PAMR1: variants seen among roughly 807,000 people sequenced by gnomAD.
The protein encoded by PAMR1 is peptidase domain containing associated with muscle regeneration 1.
Under a neutral mutation model 81.8 loss-of-function variants are expected in PAMR1, and 88 were observed. The observed-to-expected ratio is 1.08, with a 90% CI of 0.91 to 1.28. PAMR1 has a LOEUF of 1.28. PAMR1 is among the 50% of genes most tolerant of loss of function. PAMR1 has a pLI of 0.00. For synonymous variants in PAMR1, 336 were observed against 345.3 expected (o/e 0.97, Z 0.30); for missense variants, 935 against 919.7 (o/e 1.02, Z -0.21).
At chr11:35,435,278 C>T (rs1311398732) in intron 9 of PAMR1, among the ~76,000 whole-genome samples, 1 of 152,242 alleles carries the variant, frequency 6.6e-6, no homozygotes, top group East Asian at 1.9e-4. Flanking sequence ...TTAGTAAATG[C>T]AGGCCCCTAA....
intron 6 of PAMR1, among the ~76,000 whole-genome samples, chr11:35,459,815 A>G (rs1425327029): frequency 1.3e-5 from 2 of 152,234 alleles, no homozygotes; most frequent in African/African-American, 4.8e-5. Context: ...GAATTGTTCC[A>G]TAGCTTTGTC....
At chr11:35,454,077 A>G (rs2135358582) in intron 6 of PAMR1, among the ~76,000 whole-genome samples, 1 of 152,280 alleles carries the variant, frequency 6.6e-6, no homozygotes, top group East Asian at 1.9e-4. Flanking sequence ...GGTGGTTCTC[A>G]TGTAAACTGT....
Position 35,438,027 on chromosome 11 carries a change from G to A in PAMR1, c.1100+1600C>T, listed in dbSNP as rs144377408. On this transcript the variant is annotated intron_variant, in intron 8 of 10. Transcript: ENST00000619888. ...TTAGCTGTAGTCAATTTCAGTCACC[G>A]GAATTCACTGTTACTATTTCTAACA... Among the ~76,000 whole-genome samples, 579 of 152,298 alleles carry A rather than the reference G, an allele frequency of 3.8e-3. 5 individuals are homozygous for A. The highest frequency in any genetic ancestry group is 0.013 in the African/African-American group (524 of 41,562).
chr11:35,508,675 C>T (rs1265697727), intron 1 of PAMR1, among the ~76,000 whole-genome samples: 1 of 151,984 alleles, frequency 6.6e-6, no homozygotes, highest in African/African-American at 2.4e-5. Context: ...TCTTTTTATG[C>T]TCATTCTCCT....
At chr11:35,440,815 T>C (rs1417209727) in intron 7 of PAMR1, among the ~76,000 whole-genome samples, 1 of 152,228 alleles carries the variant, frequency 6.6e-6, no homozygotes, top group Non-Finnish European at 1.5e-5. Flanking sequence ...ACACCTCTTT[T>C]CTTTTCTGCT....
intron 1 of PAMR1, among the ~76,000 whole-genome samples, chr11:35,501,890 A>C (rs1174136948): frequency 6.6e-6 from 1 of 152,204 alleles, no homozygotes; most frequent in African/African-American, 2.4e-5. Context: ...TGCTGCAATA[A>C]ACATAAGAGT....
At chr11:35,525,845 G>A (rs564620496), upstream of PAMR1, 168 of 547,212 alleles carry the variant, frequency 3.1e-4, 2 homozygotes, top group South Asian at 3.6e-3. Flanking sequence ...ACCCGCGGAC[G>A]GCGGCTGCAA....
chr11:35,523,252 C>T (rs979723793), intron 1 of PAMR1, among the ~76,000 whole-genome samples: 31 of 152,202 alleles, frequency 2.0e-4, no homozygotes, highest in African/African-American at 7.5e-4. Flanking sequence ...TTTTCCTGCC[C>T]ACTGAATATC....
At chr11:35,456,716 GCATGT>G (rs1856540416) in intron 6 of PAMR1, among the ~76,000 whole-genome samples, 1 of 152,122 alleles carries the variant, frequency 6.6e-6, no homozygotes, top group Non-Finnish European at 1.5e-5. Context: ...ATGCTGCATA[GCATGT>G]TTCAAACCCT....
At chr11:35,438,611 G>A (rs75812612) in intron 8 of PAMR1, among the ~76,000 whole-genome samples, 181 of 152,298 alleles carry the variant, frequency 1.2e-3, no homozygotes, top group African/African-American at 4.2e-3. Flanking sequence ...TATGTGGCAG[G>A]TACTGTTTTA....
At chr11:35,436,656 T>A (rs1459759274) in intron 8 of PAMR1, among the ~76,000 whole-genome samples, 5 of 144,836 alleles carry the variant, frequency 3.5e-5, no homozygotes, top group Non-Finnish European at 6.1e-5. Flanking sequence ...TCTCTCTCTG[T>A]CACACACACA....
chr11:35,490,049 C>T (rs965022565), intron 3 of PAMR1, among the ~76,000 whole-genome samples: 6 of 152,188 alleles, frequency 3.9e-5, no homozygotes, highest in African/African-American at 1.4e-4. Context: ...GAAGGCCTTG[C>T]AATCATGGCA....
rs752190283 is a variant in PAMR1 at position 35,435,912 on chromosome 11, A to C, written c.1324T>G (p.Cys442Gly). ...TGKWSGRAPS[C>G]IPICGKIENI... Reference sequence around the variant, plus strand: ...ATGAGCCTTGACTCACTAGGGATGCAGGATGGTGCCCGCCCACTCCACTTC... The same window carrying C: ...ATGAGCCTTGACTCACTAGGGATGCCGGATGGTGCCCGCCCACTCCACTTC... The change falls in exon 9 of 11, where the codon TGC becomes GGC. Residue 442 changes from cysteine to glycine, a missense_variant. Physicochemically the swap from Cys to Gly is radical, Grantham distance 159 (BLOSUM62 -3). Coordinates refer to ENST00000619888, the MANE Select transcript of PAMR1 (RefSeq NM_001001991.3). 1.2e-6 allele frequency: 2 copies of C among 1,612,524 alleles called. No individual in the cohort carries two copies. Among genetic ancestry groups the C allele is most frequent in the African/African-American group, 2.7e-5 (2 of 74,884 alleles).
chr11:35,507,429 A>T (rs1850985213), intron 1 of PAMR1, among the ~76,000 whole-genome samples: 1 of 152,112 alleles, frequency 6.6e-6, no homozygotes. Context: ...TTTTCAGTTC[A>T]GCAGATGTAT....
At chr11:35,487,990 T>G (rs1850542406) in intron 3 of PAMR1, among the ~76,000 whole-genome samples, 1 of 152,168 alleles carries the variant, frequency 6.6e-6, no homozygotes. Flanking sequence ...AATAATTCTT[T>G]TCCTCCTGTC....
At chr11:35,492,771 G>A (rs767118781) in intron 2 of PAMR1, among the ~76,000 whole-genome samples, 10 of 152,080 alleles carry the variant, frequency 6.6e-5, no homozygotes, top group Non-Finnish European at 8.8e-5. Context: ...GGAATGTGTC[G>A]GGCTCCCCAC....
chr11:35,477,090 C>T (rs926711543), intron 3 of PAMR1, among the ~76,000 whole-genome samples: 4 of 152,150 alleles, frequency 2.6e-5, no homozygotes, highest in African/African-American at 9.7e-5. Flanking sequence ...GCCTTCCTTG[C>T]TATCCAGCTA....
chr11:35,463,356 G>A (rs1466472185), intron 6 of PAMR1, among the ~76,000 whole-genome samples: 3 of 152,222 alleles, frequency 2.0e-5, no homozygotes, highest in Non-Finnish European at 2.9e-5. Flanking sequence ...AGCCCGCAGT[G>A]TGAGCATTGT....
intron 5 of PAMR1, 124 bp downstream of exon 5, chr11:35,470,477 T>C: frequency 1.4e-6 from 1 of 734,112 alleles, no homozygotes; most frequent in African/African-American, 1.8e-5. Flanking sequence ...GTGTGTAGGC[T>C]GTTTCTAAGA....
Sources: allele counts gnomAD v4.1 joint callset (sites outside exome capture counted in the v4.1 genomes callset), GRCh38; gene constraint gnomAD v4.1.1; transcripts MANE v1.5; gene names NCBI Gene and HGNC (gene_info 2026-07-23, HGNC 2026-07-21).